The following MACF1 variants were observed in gnomAD, a reference collection of about 807,000 sequenced individuals.
MACF1 encodes the protein microtubule-actin cross-linking factor 1.
A neutral mutation model predicts 854.8 loss-of-function variants in MACF1; 193 were observed. That is an observed-to-expected ratio of 0.23 (90% CI 0.20 to 0.25). The LOEUF (loss-of-function observed/expected upper bound fraction) is 0.25, where lower values mean the gene tolerates loss of function less well. MACF1 is among the 10% of genes least tolerant of loss of function. MACF1 has a pLI of 1.00. For synonymous variants in MACF1, 3,185 were observed against 3,226.7 expected (o/e 0.99, Z 0.44); for missense variants, 7,722 against 8,929.1 (o/e 0.86, Z 5.45).
intron 71 of MACF1, among the ~76,000 whole-genome samples, chr1:39,438,822 C>T (rs1330688099): frequency 6.6e-6 from 1 of 151,220 alleles, no homozygotes; most frequent in African/African-American, 2.4e-5. Context: ...GTGGCTCATG[C>T]TGATAATCCA....
intron 2 of MACF1, among the ~76,000 whole-genome samples, chr1:39,100,098 C>T (rs1346568861): frequency 6.6e-6 from 1 of 152,086 alleles, no homozygotes; most frequent in Admixed American, 6.6e-5. Flanking sequence ...TGCCTGTAGT[C>T]CTAGCTGCTG....
chr1:39,423,001 A>G, intron 60 of MACF1, 101 bp downstream of exon 60: 1 of 993,232 alleles, frequency 1.0e-6, no homozygotes, highest in East Asian at 2.6e-5. Flanking sequence ...TTTTAGTAGA[A>G]TCCTAAACTA....
intron 2 of MACF1, among the ~76,000 whole-genome samples, chr1:39,148,063 G>A (rs1219353507): frequency 6.6e-6 from 1 of 152,118 alleles, no homozygotes; most frequent in African/African-American, 2.4e-5. Context: ...TGGTGTTCCT[G>A]CTTCTTTCCT....
At position 39,347,052 on chromosome 1, in the gene MACF1, G is replaced by A. The variant is rs754046032; in HGVS notation, c.10657G>A (p.Glu3553Lys). Residue 3553 changes from glutamate to lysine, a missense_variant, in exon 41 of 101, where the codon GAA (glutamate) becomes AAA (lysine). Physicochemically the swap from Glu to Lys is moderately conservative, Grantham distance 56 (BLOSUM62 1). Coordinates refer to ENST00000564288, the MANE Select transcript of MACF1 (RefSeq NM_001394062.1). ...LAFDIQFFIS[E>K]HAQDLSPQQN... ...TTTTGATATTCAGTTCTTTATCTCAGAACATGCCCAGGACTTGTCCCCTCA... is the reference window on the plus strand; with the variant it reads ...TTTTGATATTCAGTTCTTTATCTCAAAACATGCCCAGGACTTGTCCCCTCA... 2 of 1,614,110 alleles carry A rather than the reference G, an allele frequency of 1.2e-6. No homozygotes were observed. The highest frequency in any genetic ancestry group is 1.1e-5 in the South Asian group (1 of 91,058).
At chr1:39,478,895 G>C (rs959898367) in intron 97 of MACF1, among the ~76,000 whole-genome samples, 3 of 152,202 alleles carry the variant, frequency 2.0e-5, no homozygotes, top group Non-Finnish European at 2.9e-5. Context: ...TGGATGAGGA[G>C]GTAGAGGGTT....
chr1:39,162,673 A>T (rs536034709), intron 2 of MACF1, among the ~76,000 whole-genome samples: 20 of 152,228 alleles, frequency 1.3e-4, no homozygotes, highest in African/African-American at 4.8e-4. Flanking sequence ...TATAACTTTC[A>T]TAGGCTTCAG....
At chr1:39,094,312 G>A (rs1641882932) in intron 2 of MACF1, among the ~76,000 whole-genome samples, 1 of 151,938 alleles carries the variant, frequency 6.6e-6, no homozygotes, top group African/African-American at 2.4e-5. Flanking sequence ...CCAGGCAGGA[G>A]AATCGCTTGA....
intron 2 of MACF1, among the ~76,000 whole-genome samples, chr1:39,160,840 A>T (rs1643783829): frequency 6.6e-6 from 1 of 152,204 alleles, no homozygotes; most frequent in Non-Finnish European, 1.5e-5. Flanking sequence ...ATTAAGGTGA[A>T]TGGTTACTTC....
intron 2 of MACF1, among the ~76,000 whole-genome samples, chr1:39,095,271 G>A (rs1210467830): frequency 6.6e-6 from 1 of 151,924 alleles, no homozygotes; most frequent in East Asian, 1.9e-4. Flanking sequence ...TCAGAAATGT[G>A]GGGGAAGGCG....
intron 6 of MACF1, chr1:39,268,542 G>T: frequency 8.6e-7 from 1 of 1,165,428 alleles, no homozygotes; most frequent in Non-Finnish European, 1.1e-6. Context: ...AAGAGACAGA[G>T]AGAGGCGGGG....
chr1:39,347,725 ATT>A (rs937026008), intron 41 of MACF1, among the ~76,000 whole-genome samples: 1 of 152,162 alleles, frequency 6.6e-6, no homozygotes, highest in Non-Finnish European at 1.5e-5. Context: ...AATCGTATTA[ATT>A]TTTGGCTCTT....
chr1:39,203,356 T>A (rs925308802), upstream of MACF1, among the ~76,000 whole-genome samples: 1 of 151,892 alleles, frequency 6.6e-6, no homozygotes, highest in Non-Finnish European at 1.5e-5. Context: ...ACACATACCA[T>A]CTCATCTGGC....
At position 39,283,388 on chromosome 1, in the gene MACF1, T is replaced by G; in HGVS notation, c.809-21T>G. 1 of 1,591,084 alleles carries G rather than the reference T, an allele frequency of 6.3e-7. No individual in the cohort carries two copies. Among genetic ancestry groups the G allele is most frequent in the African/African-American group, 1.3e-5 (1 of 74,552 alleles). On this transcript the variant is annotated intron_variant, in intron 8 of 100. Coordinates refer to ENST00000564288, the MANE Select transcript of MACF1 (RefSeq NM_001394062.1). The surrounding 1 kb of genome is among the most constrained non-coding windows in gnomAD (Gnocchi z 4.5). ...AGTTCCTTTGTTCTGACTAAGAAAT[T>G]TCTTGTCCATTCTCTCTCAGATGTG...
At chr1:39,307,906 T>C (rs1413498241) in intron 23 of MACF1, among the ~76,000 whole-genome samples, 36 of 122,200 alleles carry the variant, frequency 2.9e-4, no homozygotes, top group South Asian at 2.0e-3. Flanking sequence ...TCTTTCTTTT[T>C]TTTTTTTTTT....
chr1:39,354,241 A>G (rs1647331385), intron 44 of MACF1, among the ~76,000 whole-genome samples: 1 of 151,924 alleles, frequency 6.6e-6, no homozygotes, highest in South Asian at 2.1e-4. Flanking sequence ...TTGCTTCTCC[A>G]TTGCATAAAG....
intron 18 of MACF1, among the ~76,000 whole-genome samples, chr1:39,294,204 CTT>C (rs1377553820): frequency 6.6e-6 from 1 of 152,142 alleles, no homozygotes; most frequent in Non-Finnish European, 1.5e-5. Context: ...GTTTCAATCT[CTT>C]CGTTTGTAAA....
chr1:39,321,544 A>T (rs1646516158), intron 31 of MACF1, among the ~76,000 whole-genome samples: 1 of 152,192 alleles, frequency 6.6e-6, no homozygotes, highest in African/African-American at 2.4e-5. Flanking sequence ...AAAATACTTG[A>T]TTATATGAGG....
At position 39,334,659 on chromosome 1, in the gene MACF1, G is replaced by C. The variant is rs201761163; in HGVS notation, c.8071G>C (p.Gly2691Arg). ...LKVLEAQANT[G>R]GIIDTATGKR... is the part of the protein sequence containing the mutation. ...GGTTCTAGAAGCCCAGGCAAATACT[G>C]GTGGAATCATAGATACTGCTACTGG... is the stretch of plus-strand genomic sequence containing the variant. Residue 2691 changes from glycine (G) to arginine (R), a missense_variant, in exon 37 of 101, where the codon GGT (glycine) becomes CGT (arginine). Gly to Arg is a moderately radical substitution (Grantham distance 125, BLOSUM62 -2). This residue lies in a region of MACF1 where 1,531 missense variants were observed against 1,601.6 expected (regional missense o/e 0.96). Coordinates refer to ENST00000564288, the MANE Select transcript of MACF1 (RefSeq NM_001394062.1). The C allele has an allele frequency of 2.9e-5, 46 of 1,613,930 alleles. No homozygotes were observed. Among genetic ancestry groups the C allele is most frequent in the Non-Finnish European group, 3.8e-5 (45 of 1,180,000 alleles).
chr1:39,388,282 C>T lies in MACF1; in HGVS notation c.15440C>T (p.Ala5147Val), dbSNP rs1399001955. 2.8e-5 allele frequency: 46 copies of T among 1,614,062 alleles called. No homozygotes were observed. In the Admixed American group the frequency reaches 7.7e-4, roughly 27 times the overall value. The change falls in exon 58 of 101, where the codon GCT becomes GTT. Residue 5147 changes from alanine to valine, a missense_variant. By Grantham distance (64) the Ala-to-Val change is moderately conservative. Coordinates refer to ENST00000564288, the MANE Select transcript of MACF1 (RefSeq NM_001394062.1). ...DLDDELDGMG[A>V]IGRDTDSLQS... Reference sequence around the variant, plus strand: ...GATGATGAGCTAGATGGCATGGGTGCTATTGGCAGAGACACTGATAGCCTC... The same window carrying T: ...GATGATGAGCTAGATGGCATGGGTGTTATTGGCAGAGACACTGATAGCCTC...
Sources: gnomAD v4.1 joint callset for allele counts (sites outside exome capture counted in the v4.1 genomes callset) on GRCh38, gnomAD v4.1.1 for gene constraint, gnomAD v4.1.1 regional missense constraint, Gnocchi (gnomAD v3.1) non-coding constraint, MANE v1.5 for transcripts, NCBI Gene and HGNC (gene_info 2026-07-23, HGNC 2026-07-21) for gene names.